Variants in SGK1 observed in about 807,000 individuals in gnomAD.
SGK1 encodes serine/threonine-protein kinase Sgk1.
SGK1 carries 26 observed loss-of-function variants against 64.2 expected under a neutral mutation model. That is an observed-to-expected ratio of 0.40 (90% CI 0.30 to 0.56). The LOEUF is 0.56. SGK1 is among the 20% of genes least tolerant of loss of function. SGK1 has a pLI of 0.38. For synonymous variants in SGK1, 265 were observed against 239.7 expected (o/e 1.11, Z -0.98); for missense variants, 519 against 645.6 (o/e 0.80, Z 2.12).
chr6:134,284,887 G>A (rs1215857862), intron 1 of SGK1, among the ~76,000 whole-genome samples: 1 of 152,156 alleles, frequency 6.6e-6, no homozygotes, highest in Non-Finnish European at 1.5e-5. Context: ...TTATGGCTGA[G>A]TAGTATTCCT....
In SGK1 at chr6:134,262,092, G is replaced by A. The variant is rs1776775310; in HGVS notation, c.126C>T (p.Ser42=). The change falls in exon 2 of 14, where the codon AGC becomes AGT. Residue 42 remains serine (S), a synonymous_variant. Transcript: ENST00000367858. ...CCATGGAGGAGCCGGTGTACTTCAG[G>A]CTGGGACTCTGATGCTTGTCCACAC... The part of the protein sequence containing the change: ...MVSVDKHQSP[S]LKYTGSSMVH... The A allele has an allele frequency of 6.2e-7, 1 of 1,612,436 alleles. No homozygotes were observed. The highest frequency in any genetic ancestry group is 8.5e-7 in the Non-Finnish European group (1 of 1,178,702).
chr6:134,247,767 T>C (rs1359184181), intron 2 of SGK1, among the ~76,000 whole-genome samples: 2 of 152,196 alleles, frequency 1.3e-5, no homozygotes, highest in Non-Finnish European at 2.9e-5. Flanking sequence ...CTCTATGTCA[T>C]ACAATTTATG....
In SGK1 at chr6:134,286,259, C is replaced by T. The variant is rs186625984; in HGVS notation, c.70-24111G>A. On this transcript the variant is annotated intron_variant, in intron 1 of 13. Coordinates refer to ENST00000367858, the MANE Select transcript of SGK1 (RefSeq NM_001143676.3). Reference sequence around the variant, plus strand: ...TTTGGGCTGCGCCTCGTGGCTCATGCCTGTAATCCCAACACTTTAGGAGGC... The same window carrying T: ...TTTGGGCTGCGCCTCGTGGCTCATGTCTGTAATCCCAACACTTTAGGAGGC... 3.8e-3 allele frequency among the ~76,000 whole-genome samples: 585 copies of T among 152,216 alleles called. 2 individuals carry two copies. The highest frequency in any genetic ancestry group is 6.2e-3 in the Non-Finnish European group (421 of 68,016).
intron 3 of SGK1, among the ~76,000 whole-genome samples, chr6:134,185,456 T>C (rs1401056553): frequency 6.6e-6 from 1 of 152,114 alleles, no homozygotes; most frequent in Admixed American, 6.5e-5. Flanking sequence ...AGAATGGCCA[T>C]CAGGTTGTCA....
At chr6:134,206,365 ATATATATATATATATATATTTTTTT>A (rs1775776813) in intron 3 of SGK1, among the ~76,000 whole-genome samples, 1 of 10,272 alleles carries the variant, frequency 9.7e-5, no homozygotes, top group African/African-American at 2.2e-4. Context: ...ATATATATAT[ATATATATATATATATATATTTTTTT>A]TTTTTTTTTT....
At chr6:134,216,505 T>C (rs1001127985) in intron 2 of SGK1, among the ~76,000 whole-genome samples, 1 of 152,206 alleles carries the variant, frequency 6.6e-6, no homozygotes, top group Admixed American at 6.5e-5. Context: ...ATCTATGAGA[T>C]AAAAGAGTCT....
intron 2 of SGK1, among the ~76,000 whole-genome samples, chr6:134,248,036 A>G (rs1263985320): frequency 6.6e-6 from 1 of 152,042 alleles, no homozygotes; most frequent in African/African-American, 2.4e-5. Flanking sequence ...TATGATTTCA[A>G]TTATGAAGAA....
chr6:134,227,457 C>G (rs1337669824), intron 2 of SGK1, among the ~76,000 whole-genome samples: 1 of 152,140 alleles, frequency 6.6e-6, no homozygotes, highest in East Asian at 1.9e-4. Flanking sequence ...CTTTTCTAAA[C>G]TATCTGGAGC....
At chr6:134,249,969 T>C (rs1465784232) in intron 2 of SGK1, among the ~76,000 whole-genome samples, 1 of 152,228 alleles carries the variant, frequency 6.6e-6, no homozygotes, top group Non-Finnish European at 1.5e-5. Context: ...CTATAACCTC[T>C]GCTCCCCACG....
intron 3 of SGK1, among the ~76,000 whole-genome samples, chr6:134,193,537 C>G (rs141588419): frequency 6.6e-6 from 1 of 151,896 alleles, no homozygotes; most frequent in African/African-American, 2.4e-5. Flanking sequence ...AGCCCCACTT[C>G]CAGTTTGTTT....
At chr6:134,300,345 T>C (rs1273955317) in intron 1 of SGK1, among the ~76,000 whole-genome samples, 2 of 151,770 alleles carry the variant, frequency 1.3e-5, no homozygotes, top group Non-Finnish European at 2.9e-5. Flanking sequence ...AAGACCATCC[T>C]GGCTAACATG....
chr6:134,180,846 G>T (rs757752138), intron 3 of SGK1, among the ~76,000 whole-genome samples: 8 of 149,216 alleles, frequency 5.4e-5, no homozygotes, highest in Admixed American at 4.7e-4. Context: ...CACTCTCGCC[G>T]GGGCAACAAA....
intron 1 of SGK1, among the ~76,000 whole-genome samples, chr6:134,277,554 T>C (rs1270286847): frequency 6.6e-6 from 1 of 152,090 alleles, no homozygotes; most frequent in Non-Finnish European, 1.5e-5. Context: ...CTGGGTTTTT[T>C]GGGCAATGGG....
chr6:134,186,997 G>A (rs147476455), intron 3 of SGK1, among the ~76,000 whole-genome samples: 27 of 152,022 alleles, frequency 1.8e-4, no homozygotes, highest in South Asian at 1.2e-3. Context: ...TTGTATTTTA[G>A]TACAGACGGG....
chr6:134,302,080 G>C (rs922027093), intron 1 of SGK1, among the ~76,000 whole-genome samples: 5 of 152,334 alleles, frequency 3.3e-5, no homozygotes, highest in African/African-American at 1.2e-4. Flanking sequence ...ATCATTCAGA[G>C]TGTTGATGAG....
chr6:134,185,555 AGTGTGTGTGTGT>A (rs55653141), intron 3 of SGK1, among the ~76,000 whole-genome samples: 11 of 145,314 alleles, frequency 7.6e-5, no homozygotes, highest in African/African-American at 1.3e-4. Context: ...TATCTCTATG[AGTGTGTGTGTGT>A]GTGTGTGTGT....
At chr6:134,243,400 C>G (rs1397900348) in intron 2 of SGK1, among the ~76,000 whole-genome samples, 1 of 151,144 alleles carries the variant, frequency 6.6e-6, no homozygotes, top group Non-Finnish European at 1.5e-5. Flanking sequence ...ATGGAGTTTC[C>G]CTCTTGTTGC....
intron 1 of SGK1, among the ~76,000 whole-genome samples, chr6:134,313,221 T>C (rs1403134998): frequency 6.6e-6 from 1 of 152,122 alleles, no homozygotes; most frequent in African/African-American, 2.4e-5. Flanking sequence ...AATCATAAAA[T>C]AGAGAGTCAA....
intron 1 of SGK1, among the ~76,000 whole-genome samples, chr6:134,264,035 C>T (rs972659198): frequency 1.3e-5 from 2 of 152,040 alleles, no homozygotes; most frequent in African/African-American, 4.8e-5. Context: ...AGCAAATTTC[C>T]CCAGGGCACA....
Sources: gnomAD v4.1 joint callset for allele counts (sites outside exome capture counted in the v4.1 genomes callset) on GRCh38, gnomAD v4.1.1 for gene constraint, MANE v1.5 for transcripts, NCBI Gene and HGNC (gene_info 2026-07-23, HGNC 2026-07-21) for gene names.